Variants in DEPDC1B observed in about 807,000 individuals in gnomAD.
DEPDC1B encodes the protein DEP domain containing 1B, also known as DEP domain-containing protein 1B.
Under a neutral mutation model 66.5 loss-of-function variants are expected in DEPDC1B, and 51 were observed. The observed-to-expected ratio is 0.77, with a 90% CI of 0.61 to 0.97. The LOEUF is 0.97. DEPDC1B is among the 50% of genes least tolerant of loss of function. The pLI is 0.00. For missense variants in DEPDC1B, 552 were observed against 637.1 expected (o/e 0.87, Z 1.44); for synonymous variants, 226 against 223.6 (o/e 1.01, Z -0.10).
chr5:60,678,260 C>T (rs568857888), intron 2 of DEPDC1B, among the ~76,000 whole-genome samples: 6 of 152,252 alleles, frequency 3.9e-5, no homozygotes, highest in East Asian at 1.9e-4. Context: ...CCTTTACAGT[C>T]GCACCCTTCT....
rs1170566611 is a variant in DEPDC1B at position 60,597,670 on chromosome 5, C to T, written c.*83G>A. 4.2e-6 allele frequency: 6 copies of T among 1,422,618 alleles called. No individual in the cohort carries two copies. Among genetic ancestry groups the T allele is most frequent in the Non-Finnish European group, 5.7e-6 (6 of 1,049,540 alleles). 88.1% of individuals were successfully genotyped at this position (1,422,618 alleles called of 1,614,324 possible). On this transcript the variant is annotated 3_prime_UTR_variant, in exon 11 of 11. Transcript: ENST00000265036. ...TCTTTGTTTTATGCTTTTCTTTCTT[C>T]CACCACCAAAGTCTTTCTCCTAACC...
chr5:60,658,377 G>C (rs1252451640), intron 2 of DEPDC1B, among the ~76,000 whole-genome samples: 1 of 152,104 alleles, frequency 6.6e-6, no homozygotes, highest in Admixed American at 6.5e-5. Flanking sequence ...ACCTTGTTTT[G>C]TTATATTACC....
chr5:60,688,658 G>T lies in DEPDC1B; in HGVS notation c.49-1431C>A, dbSNP rs148534205. 8.3e-4 allele frequency among the ~76,000 whole-genome samples: 126 copies of T among 152,282 alleles called. 2 individuals are homozygous for T. In the East Asian group the frequency reaches 0.021, roughly 25 times the overall value. On this transcript the variant is annotated intron_variant, in intron 1 of 10. Transcript: ENST00000265036. Reference sequence around the variant, plus strand: ...CAGAGCTGAGTGAGTACGTTGGAAAGACCCCAGAATGGAGTCTCCATTGGC... The same window carrying T: ...CAGAGCTGAGTGAGTACGTTGGAAATACCCCAGAATGGAGTCTCCATTGGC...
intron 2 of DEPDC1B, chr5:60,648,177 G>A (rs2111891478): frequency 6.6e-6 from 1 of 152,280 alleles, no homozygotes; most frequent in South Asian, 2.1e-4. Flanking sequence ...TAAGAGCAGA[G>A]TATTATTAAT....
chr5:60,665,252 C>T (rs1338724216), intron 2 of DEPDC1B, among the ~76,000 whole-genome samples: 1 of 152,184 alleles, frequency 6.6e-6, no homozygotes, highest in Non-Finnish European at 1.5e-5. Context: ...TAAAACCCTT[C>T]ACCAGACCTT....
intron 5 of DEPDC1B, among the ~76,000 whole-genome samples, chr5:60,643,911 C>T (rs937482690): frequency 3.9e-5 from 6 of 152,140 alleles, no homozygotes; most frequent in Admixed American, 3.9e-4. Flanking sequence ...AAATCTCTTC[C>T]CCTCTCACCA....
chr5:60,695,780 G>A (rs556920239), intron 1 of DEPDC1B, among the ~76,000 whole-genome samples: 1 of 152,224 alleles, frequency 6.6e-6, no homozygotes, highest in Non-Finnish European at 1.5e-5. Context: ...TTCTTTGTAA[G>A]GGAATGTGAA....
At chr5:60,678,192 A>G (rs1437886343) in intron 2 of DEPDC1B, among the ~76,000 whole-genome samples, 1 of 152,058 alleles carries the variant, frequency 6.6e-6, no homozygotes, top group Non-Finnish European at 1.5e-5. Context: ...TGTATCTACC[A>G]CCAAAATCAA....
chr5:60,620,585 A>G (rs1752678240), intron 7 of DEPDC1B, among the ~76,000 whole-genome samples: 3 of 152,178 alleles, frequency 2.0e-5, no homozygotes, highest in Non-Finnish European at 2.9e-5. Context: ...CAAAACCACA[A>G]TGAGATACCA....
At chr5:60,667,683 A>C (rs1753887707) in intron 2 of DEPDC1B, among the ~76,000 whole-genome samples, 1 of 143,838 alleles carries the variant, frequency 7.0e-6, no homozygotes, top group Non-Finnish European at 1.5e-5. Context: ...TTTTACATGT[A>C]TATAATGGAT....
At chr5:60,633,517 G>A (rs554008242) in intron 7 of DEPDC1B, among the ~76,000 whole-genome samples, 7 of 152,318 alleles carry the variant, frequency 4.6e-5, no homozygotes, top group Middle Eastern at 3.4e-3. Context: ...TTCACCGTGA[G>A]AACATGCCAG....
chr5:60,619,835 A>G lies in DEPDC1B; in HGVS notation c.899-13979T>C, dbSNP rs533462051. On this transcript the variant is annotated intron_variant, in intron 7 of 10. Coordinates refer to ENST00000265036, the MANE Select transcript of DEPDC1B (RefSeq NM_018369.3). ...AAACAAGAGCCCGCATTACCAAATCAATCCTAAGCCAAAAGAACAAAGCTG... is the reference window on the plus strand; with the variant it reads ...AAACAAGAGCCCGCATTACCAAATCGATCCTAAGCCAAAAGAACAAAGCTG... Among the ~76,000 whole-genome samples the G allele has an allele frequency of 2.1e-3, 319 of 152,352 alleles. 2 individuals carry two copies. The highest frequency in any genetic ancestry group is 7.5e-3 in the African/African-American group (310 of 41,578).
At chr5:60,692,362 G>T (rs776835951) in intron 1 of DEPDC1B, among the ~76,000 whole-genome samples, 1 of 152,086 alleles carries the variant, frequency 6.6e-6, no homozygotes, top group Non-Finnish European at 1.5e-5. Context: ...TGAGGTGATG[G>T]ATATGGTAAT....
At chr5:60,634,856 C>T (rs1159764833) in intron 7 of DEPDC1B, among the ~76,000 whole-genome samples, 1 of 151,388 alleles carries the variant, frequency 6.6e-6, no homozygotes, top group Non-Finnish European at 1.5e-5. Context: ...TGAGGTAATT[C>T]AACATCCTTA....
intron 2 of DEPDC1B, among the ~76,000 whole-genome samples, chr5:60,679,668 A>C (rs1177048638): frequency 6.6e-6 from 1 of 152,186 alleles, no homozygotes; most frequent in Non-Finnish European, 1.5e-5. Flanking sequence ...GTAAGCCATG[A>C]AAACCTTCCC....
chr5:60,637,314 C>T (rs1753065792), intron 7 of DEPDC1B, among the ~76,000 whole-genome samples: 1 of 152,056 alleles, frequency 6.6e-6, no homozygotes, highest in Admixed American at 6.6e-5. Flanking sequence ...GTGAGTTCTC[C>T]CAAGATCTAG....
At chr5:60,692,450 TTGTC>T (rs1754568040) in intron 1 of DEPDC1B, among the ~76,000 whole-genome samples, 1 of 152,244 alleles carries the variant, frequency 6.6e-6, no homozygotes, top group East Asian at 1.9e-4. Context: ...CAACTATAAT[TTGTC>T]AGTTTACAAC....
intron 3 of DEPDC1B, 122 bp from the exon 4 acceptor site, chr5:60,645,741 C>A: frequency 9.6e-7 from 1 of 1,042,234 alleles, no homozygotes. Flanking sequence ...TTACTTGTAA[C>A]TTGATTTAAA....
intron 2 of DEPDC1B, among the ~76,000 whole-genome samples, chr5:60,674,162 G>C (rs1307655334): frequency 6.6e-6 from 1 of 152,000 alleles, no homozygotes; most frequent in Non-Finnish European, 1.5e-5. Context: ...GTAAGACCAA[G>C]TGTTTAAAAC....
Sources: gnomAD v4.1 joint callset for allele counts (sites outside exome capture counted in the v4.1 genomes callset) on GRCh38, gnomAD v4.1.1 for gene constraint, MANE v1.5 for transcripts, NCBI Gene and HGNC (gene_info 2026-07-23, HGNC 2026-07-21) for gene names.